The following DCDC1 variants were observed in gnomAD, a reference collection of about 807,000 sequenced individuals.
The protein encoded by DCDC1 is doublecortin domain containing 1, also known as doublecortin domain-containing protein 1.
A neutral mutation model predicts 178.3 loss-of-function variants in DCDC1; 200 were observed. The observed-to-expected ratio is 1.12, with a 90% CI of 1.00 to 1.26. The LOEUF (loss-of-function observed/expected upper bound fraction) is 1.26. DCDC1 is among the 50% of genes most tolerant of loss of function. DCDC1 has a pLI of 0.00. For missense variants in DCDC1, 1,983 were observed against 1,749.2 expected (o/e 1.13, Z -2.38); for synonymous variants, 690 against 604.8 (o/e 1.14, Z -2.07).
At chr11:31,100,043 T>C (rs899348514) in intron 15 of DCDC1, among the ~76,000 whole-genome samples, 2 of 152,116 alleles carry the variant, frequency 1.3e-5, no homozygotes, top group South Asian at 2.1e-4. Flanking sequence ...ATAGCCTTTA[T>C]TGAACATGCC....
At position 31,292,440 on chromosome 11, in the gene DCDC1, AG is replaced by A. The variant is rs1947300616; in HGVS notation, c.755-1589del. Among the ~76,000 whole-genome samples the A allele has an allele frequency of 2.0e-5, 3 of 152,222 alleles. No individual in the cohort carries two copies. The South Asian group carries it at 6.2e-4, about 31-fold the overall frequency. Reference sequence around the variant, plus strand: ...ATGGAATATCATTCAGCCATAAAAAAGAATGAAGTACTGATACTTGCTAAAA... The same window carrying A: ...ATGGAATATCATTCAGCCATAAAAAAAATGAAGTACTGATACTTGCTAAAA... On this transcript the variant is annotated intron_variant, in intron 6 of 38. Coordinates refer to ENST00000684477, the MANE Select transcript of DCDC1 (RefSeq NM_001387274.1).
At position 31,011,029 on chromosome 11, in the gene DCDC1, A is replaced by T. The variant is rs182590012; in HGVS notation, c.2591+53440T>A. 4.4e-3 allele frequency among the ~76,000 whole-genome samples: 671 copies of T among 152,300 alleles called. 5 individuals are homozygous for T. The highest frequency in any genetic ancestry group is 0.015 in the African/African-American group (643 of 41,564). The stretch of plus-strand genomic sequence containing the variant: ...ATAATGCACTCATGAATGTATGGAA[A>T]TATGATATATGACAGAGGTGATGTT... On this transcript the variant is annotated intron_variant, in intron 20 of 38. Transcript: ENST00000684477.
intron 17 of DCDC1, among the ~76,000 whole-genome samples, chr11:31,081,632 A>G (rs1028884181): frequency 3.9e-5 from 6 of 152,256 alleles, no homozygotes; most frequent in African/African-American, 1.4e-4. Flanking sequence ...AAAAGAAAAG[A>G]AAAGAAATAA....
intron 21 of DCDC1, among the ~76,000 whole-genome samples, chr11:30,949,104 A>G (rs1490831875): frequency 6.6e-6 from 1 of 152,240 alleles, no homozygotes; most frequent in Non-Finnish European, 1.5e-5. Context: ...CAATCTATCC[A>G]TCTGACAAAT....
rs765544446 is a variant in DCDC1, at chr11:30,888,096, GAAAA to G, written c.5082+4718_5082+4721del. Among the ~76,000 whole-genome samples the G allele has an allele frequency of 2.4e-3, 222 of 90,652 alleles. 1 individual carries two copies. The highest frequency in any genetic ancestry group is 8.6e-3 in the African/African-American group (207 of 24,118). The allele number at this position is 90,652 out of a possible 152,430, so 59.5% of individuals were successfully genotyped here. A position where few individuals can be genotyped will look rare whatever the true frequency, so the allele number is the denominator to read the frequency against. On this transcript the variant is annotated intron_variant, in intron 36 of 38. Transcript: ENST00000684477. ...AGAGAGAGAGAGAGAAAGAAAGAAA[GAAAA>G]AGAAAGAAAGAAAGAAAGAAAGAAA...
intron 29 of DCDC1, among the ~76,000 whole-genome samples, chr11:30,907,468 G>T (rs1431384503): frequency 6.6e-6 from 1 of 152,092 alleles, no homozygotes; most frequent in Non-Finnish European, 1.5e-5. Flanking sequence ...AAGGCCATGT[G>T]ACTTGCTTTG....
chr11:31,173,158 TG>T (rs1967481817), intron 9 of DCDC1, among the ~76,000 whole-genome samples: 3 of 152,194 alleles, frequency 2.0e-5, no homozygotes, highest in African/African-American at 7.2e-5. Flanking sequence ...TAATTTTAAA[TG>T]TATAAAAATA....
chr11:30,937,705 G>A (rs971828255), intron 21 of DCDC1, among the ~76,000 whole-genome samples: 2 of 151,890 alleles, frequency 1.3e-5, no homozygotes, highest in African/African-American at 4.8e-5. Flanking sequence ...TTCCTCAATC[G>A]GTTTTTCATT....
chr11:30,864,131 A>C lies in DCDC1; in HGVS notation c.*1242T>G, dbSNP rs990966877. ...AACAGAGTGAGACTCCATCTCAAAA[A>C]AAAAAAATTGCATATCTGTATTTTG... On this transcript the variant is annotated 3_prime_UTR_variant, in exon 39 of 39. Transcript: ENST00000684477. 2 of 152,206 alleles carry C rather than the reference A, an allele frequency of 1.3e-5. No homozygotes were observed. The highest frequency in any genetic ancestry group is 4.8e-5 in the African/African-American group (2 of 41,442). 9.4% of individuals were successfully genotyped at this position (152,206 alleles called of 1,614,324 possible). A position where few individuals can be genotyped will look rare whatever the true frequency, so the allele number is the denominator to read the frequency against.
chr11:31,244,994 A>G (rs906342574), intron 8 of DCDC1, among the ~76,000 whole-genome samples: 1 of 151,676 alleles, frequency 6.6e-6, no homozygotes, highest in Non-Finnish European at 1.5e-5. Flanking sequence ...TAGTAGCTAT[A>G]TTCATTTCAT....
chr11:30,888,466 C>T (rs1337315842), intron 36 of DCDC1, among the ~76,000 whole-genome samples: 1 of 152,180 alleles, frequency 6.6e-6, no homozygotes, highest in Non-Finnish European at 1.5e-5. Context: ...GCCTGTAATC[C>T]CAGCACTTTG....
At chr11:31,343,961 C>A (rs936829235) in intron 1 of DCDC1, among the ~76,000 whole-genome samples, 2 of 151,768 alleles carry the variant, frequency 1.3e-5, no homozygotes, top group African/African-American at 4.9e-5. Flanking sequence ...ATGAAAAATA[C>A]TTTCAAGATG....
chr11:31,142,415 T>C (rs1315715480), intron 9 of DCDC1, among the ~76,000 whole-genome samples: 1 of 152,182 alleles, frequency 6.6e-6, no homozygotes, highest in Non-Finnish European at 1.5e-5. Flanking sequence ...AAATGCTATC[T>C]GTTCCTGCCA....
At position 31,091,457 on chromosome 11, in the gene DCDC1, G is replaced by A. The variant is rs1011067473; in HGVS notation, c.2173C>T (p.Pro725Ser). Residue 725 changes from proline (P) to serine (S), a missense_variant, in exon 17 of 39, where the codon CCT (proline) becomes TCT (serine). Pro to Ser is a moderately conservative substitution (Grantham distance 74). Coordinates refer to ENST00000684477, the MANE Select transcript of DCDC1 (RefSeq NM_001387274.1). ...CCCTCAGCAGCCTTGACTCTGATAG[G>A]ATGACCAATAGCCAGGCAGCCCTGA... ...ITQGCLAIGH[P>S]IRVKAAEGTS... 1 of 762,372 alleles carries A rather than the reference G, an allele frequency of 1.3e-6. No individual in the cohort carries two copies. Among genetic ancestry groups the A allele is most frequent in the Non-Finnish European group, 2.4e-6 (1 of 416,084 alleles). 47.2% of individuals were successfully genotyped at this position (762,372 alleles called of 1,614,324 possible). A position where few individuals can be genotyped will look rare whatever the true frequency, so the allele number is the denominator to read the frequency against.
intron 8 of DCDC1, among the ~76,000 whole-genome samples, chr11:31,243,620 A>G (rs928324851): frequency 6.6e-6 from 1 of 151,822 alleles, no homozygotes; most frequent in African/African-American, 2.4e-5. Context: ...TAAGTTTTTC[A>G]AAGTTTATAC....
At chr11:31,359,900 G>A (rs1951620331) in intron 1 of DCDC1, among the ~76,000 whole-genome samples, 1 of 152,168 alleles carries the variant, frequency 6.6e-6, no homozygotes. Context: ...GAACTCAACT[G>A]ACTTGGGTTT....
intron 15 of DCDC1, 36 bp from the exon 16 acceptor site, chr11:31,094,220 T>C (rs949224048): frequency 1.3e-6 from 1 of 764,326 alleles, no homozygotes; most frequent in South Asian, 1.3e-5. Flanking sequence ...TTTTAACTCA[T>C]AGTCTAAGAG....
chr11:31,082,290 AT>A (rs996973955), intron 17 of DCDC1, among the ~76,000 whole-genome samples: 4 of 151,536 alleles, frequency 2.6e-5, no homozygotes, highest in African/African-American at 9.7e-5. Context: ...TGGCCTTGCA[AT>A]TTTTTTTTAA....
At chr11:30,873,975 A>G (rs1329299541) in intron 38 of DCDC1, among the ~76,000 whole-genome samples, 1 of 152,112 alleles carries the variant, frequency 6.6e-6, no homozygotes, top group Non-Finnish European at 1.5e-5. Context: ...CCTAGTTAAA[A>G]TCTCTGGGTG....
Sources: allele counts gnomAD v4.1 joint callset (sites outside exome capture counted in the v4.1 genomes callset), GRCh38; gene constraint gnomAD v4.1.1; transcripts MANE v1.5; gene names NCBI Gene and HGNC (gene_info 2026-07-23, HGNC 2026-07-21).